Variants in KCNIP4 observed in about 807,000 individuals in gnomAD.
The protein encoded by KCNIP4 is potassium voltage-gated channel interacting protein 4, also known as Kv channel-interacting protein 4.
A neutral mutation model predicts 34.0 loss-of-function variants in KCNIP4; 12 were observed. That is an observed-to-expected ratio of 0.35 (90% CI 0.23 to 0.57). The LOEUF (loss-of-function observed/expected upper bound fraction) is 0.57, where lower values mean the gene tolerates loss of function less well. Among genes scored for constraint, KCNIP4 ranks in the 20% least tolerant of loss-of-function variants. The pLI is 0.83. For synonymous variants in KCNIP4, 124 were observed against 102.2 expected (o/e 1.21, Z -1.29); for missense variants, 238 against 311.7 (o/e 0.76, Z 1.78).
At chr4:21,501,194 TA>T (rs955717435) in intron 1 of KCNIP4, among the ~76,000 whole-genome samples, 5 of 151,104 alleles carry the variant, frequency 3.3e-5, no homozygotes, top group African/African-American at 7.3e-5. Context: ...TATTTAAGTC[TA>T]AAAAAAAATT....
chr4:21,477,688 C>T (rs944769943), intron 1 of KCNIP4, among the ~76,000 whole-genome samples: 1 of 152,148 alleles, frequency 6.6e-6, no homozygotes, highest in Non-Finnish European at 1.5e-5. Context: ...TCTCACCAGG[C>T]TCCCTCAAAA....
intron 1 of KCNIP4, among the ~76,000 whole-genome samples, chr4:21,535,953 G>C (rs1480538431): frequency 6.6e-6 from 1 of 151,996 alleles, no homozygotes. Context: ...CATCTCCCTT[G>C]GTATATCTCA....
intron 1 of KCNIP4, among the ~76,000 whole-genome samples, chr4:21,504,303 A>G (rs1342329077): frequency 6.6e-6 from 1 of 151,918 alleles, no homozygotes; most frequent in Non-Finnish European, 1.5e-5. Flanking sequence ...CCCCGTCTCT[A>G]TTAAAAATAC....
intron 1 of KCNIP4, among the ~76,000 whole-genome samples, chr4:21,923,423 A>C (rs1398003203): frequency 6.6e-6 from 1 of 152,102 alleles, no homozygotes; most frequent in Non-Finnish European, 1.5e-5. Context: ...CTCTATTAAA[A>C]ATACAAAAAT....
intron 1 of KCNIP4, among the ~76,000 whole-genome samples, chr4:21,830,572 G>A (rs1722923569): frequency 6.6e-6 from 1 of 152,050 alleles, no homozygotes; most frequent in East Asian, 1.9e-4. Flanking sequence ...TACTCAGGAA[G>A]CTGTGGCTGG....
At chr4:21,894,236 T>A (rs1727258847) in intron 1 of KCNIP4, among the ~76,000 whole-genome samples, 1 of 152,028 alleles carries the variant, frequency 6.6e-6, no homozygotes, top group Admixed American at 6.6e-5. Context: ...CTTGGGAAGC[T>A]GAGGCAGGAG....
intron 1 of KCNIP4, among the ~76,000 whole-genome samples, chr4:21,654,336 A>G (rs972316022): frequency 6.6e-6 from 1 of 152,198 alleles, no homozygotes; most frequent in African/African-American, 2.4e-5. Flanking sequence ...TACCTGGTGC[A>G]AGGGCATTTA....
chr4:21,702,253 G>A (rs750166631), intron 1 of KCNIP4, among the ~76,000 whole-genome samples: 2 of 151,986 alleles, frequency 1.3e-5, no homozygotes, highest in Non-Finnish European at 2.9e-5. Flanking sequence ...GCATCCTCAC[G>A]TGGAGGAGAA....
intron 1 of KCNIP4, among the ~76,000 whole-genome samples, chr4:20,946,169 C>G (rs1169092892): frequency 6.6e-6 from 1 of 152,092 alleles, no homozygotes; most frequent in Non-Finnish European, 1.5e-5. Flanking sequence ...AATTGAAAAG[C>G]AAACATATGT....
At chr4:20,851,276 ATG>A in intron 2 of KCNIP4, among the ~76,000 whole-genome samples, 1 of 152,320 alleles carries the variant, frequency 6.6e-6, no homozygotes, top group African/African-American at 2.4e-5. Flanking sequence ...AAGTGAGAAC[ATG>A]CAGTGTTTGG....
At chr4:21,143,933 C>G (rs1431374133) in intron 1 of KCNIP4, among the ~76,000 whole-genome samples, 1 of 151,954 alleles carries the variant, frequency 6.6e-6, no homozygotes, top group Non-Finnish European at 1.5e-5. Context: ...TGGTCTTGAA[C>G]TCCTGGCCTG....
chr4:21,184,854 G>T lies in KCNIP4; in HGVS notation c.62-302145C>A, dbSNP rs145856034. ...ACTGAGTTCAAACCACCTAGCACAGGTGATCTCATACTAATAATATTTCCA... is the reference window on the plus strand; with the variant it reads ...ACTGAGTTCAAACCACCTAGCACAGTTGATCTCATACTAATAATATTTCCA... On this transcript the variant is annotated intron_variant, in intron 1 of 8. Coordinates refer to ENST00000382152, the MANE Select transcript of KCNIP4 (RefSeq NM_025221.6). Among the ~76,000 whole-genome samples, 4 of 152,232 alleles carry T rather than the reference G, an allele frequency of 2.6e-5. No homozygotes were observed. In the East Asian group the frequency reaches 7.7e-4, roughly 29 times the overall value.
At chr4:21,724,839 C>T (rs1413218232) in intron 1 of KCNIP4, among the ~76,000 whole-genome samples, 2 of 152,004 alleles carry the variant, frequency 1.3e-5, no homozygotes, top group African/African-American at 4.8e-5. Flanking sequence ...TTAAGAGACC[C>T]AAGGAGTGTG....
At chr4:21,335,193 T>C (rs1013822398) in intron 1 of KCNIP4, among the ~76,000 whole-genome samples, 3 of 151,994 alleles carry the variant, frequency 2.0e-5, no homozygotes, top group Non-Finnish European at 2.9e-5. Flanking sequence ...CTGCCCTTTT[T>C]CCCCTAAATC....
intron 3 of KCNIP4, among the ~76,000 whole-genome samples, chr4:20,778,790 G>A (rs2149388765): frequency 6.6e-6 from 1 of 152,316 alleles, no homozygotes; most frequent in South Asian, 2.1e-4. Context: ...TATATAGACT[G>A]AACTTAGACA....
chr4:21,795,228 G>A (rs1029469049), intron 1 of KCNIP4, among the ~76,000 whole-genome samples: 5 of 152,158 alleles, frequency 3.3e-5, no homozygotes, highest in Non-Finnish European at 5.9e-5. Flanking sequence ...TCCGGGAAGC[G>A]TGCACACAGA....
At chr4:21,926,482 C>T (rs1021653171) in intron 1 of KCNIP4, among the ~76,000 whole-genome samples, 3 of 152,190 alleles carry the variant, frequency 2.0e-5, no homozygotes, top group Admixed American at 1.3e-4. Flanking sequence ...AAGAATCCAA[C>T]ACTTTAAAGA....
At position 21,291,863 on chromosome 4, in the gene KCNIP4, AAAAAAAAGAAAGAAAGAAAGAAAG is replaced by A. The variant is rs1188787098; in HGVS notation, c.62-409178_62-409155del. On this transcript the variant is annotated intron_variant, in intron 1 of 8. Coordinates refer to ENST00000382152, the MANE Select transcript of KCNIP4 (RefSeq NM_025221.6). ...AGTTAGACTCCGCCTCAAAAAAAAA[AAAAAAAAGAAAGAAAGAAAGAAAG>A]AAAGAAAGAAAGAAAGAAAGAAAGA... Among the ~76,000 whole-genome samples the A allele has an allele frequency of 9.9e-4, 71 of 71,592 alleles. 3 individuals carry two copies. The highest frequency in any genetic ancestry group is 7.0e-3 in the Admixed American group (46 of 6,540). 47.0% of individuals were successfully genotyped at this position (71,592 alleles called of 152,430 possible).
At chr4:20,730,903 A>G (rs1747960818) in intron 8 of KCNIP4, among the ~76,000 whole-genome samples, 1 of 152,114 alleles carries the variant, frequency 6.6e-6, no homozygotes, top group African/African-American at 2.4e-5. Flanking sequence ...AAACCAAGTA[A>G]CATCACCGTC....
Sources: allele counts gnomAD v4.1 joint callset (sites outside exome capture counted in the v4.1 genomes callset), GRCh38; gene constraint gnomAD v4.1.1; transcripts MANE v1.5; gene names NCBI Gene and HGNC (gene_info 2026-07-23, HGNC 2026-07-21).